Variants in CHST11 observed in about 807,000 individuals in gnomAD.
CHST11 encodes the protein carbohydrate sulfotransferase 11.
Under a neutral mutation model 30.4 loss-of-function variants are expected in CHST11, and 9 were observed. The ratio of observed to expected loss-of-function variants is 0.30; its 90% CI spans 0.18 to 0.52. CHST11 has a LOEUF of 0.52. CHST11 is among the 20% of genes least tolerant of loss of function. The pLI, the probability that CHST11 is intolerant of heterozygous loss-of-function variation, is 0.97. For missense variants in CHST11, 348 were observed against 460.6 expected (o/e 0.76, Z 2.24); for synonymous variants, 152 against 187.8 (o/e 0.81, Z 1.56).
At chr12:104,721,312 C>CCA (rs922230660) in intron 2 of CHST11, among the ~76,000 whole-genome samples, 2 of 152,076 alleles carry the variant, frequency 1.3e-5, no homozygotes, top group African/African-American at 2.4e-5. Context: ...ACACACACAG[C>CCA]CACACACACA....
chr12:104,514,570 G>T, intron 1 of CHST11: 1 of 425,628 alleles, frequency 2.3e-6, no homozygotes, highest in Non-Finnish European at 4.3e-6. Flanking sequence ...TTGGCTCACG[G>T]TTCTGCAGGC....
At chr12:104,613,079 G>T (rs1245922371) in intron 2 of CHST11, among the ~76,000 whole-genome samples, 1 of 151,978 alleles carries the variant, frequency 6.6e-6, no homozygotes, top group African/African-American at 2.4e-5. Context: ...AATAAAATTA[G>T]CCAGGCATGG....
At chr12:104,530,256 T>TACC (rs979617784) in intron 1 of CHST11, among the ~76,000 whole-genome samples, 8 of 152,176 alleles carry the variant, frequency 5.3e-5, no homozygotes, top group Non-Finnish European at 7.3e-5. Context: ...TAGTTATCAC[T>TACC]ACCACCACCA....
rs563686983 is a variant in CHST11, at chr12:104,719,688, C to T, written c.205-37261C>T. Among the ~76,000 whole-genome samples, 4 of 152,300 alleles carry T rather than the reference C, an allele frequency of 2.6e-5. No homozygotes were observed. The East Asian group carries it at 7.7e-4, about 29-fold the overall frequency. The stretch of plus-strand genomic sequence containing the variant: ...TAAACACCCCCTCTTAGCTGGGACC[C>T]CTCTTTATTTTCAGTGTTCTTCAGA... On this transcript the variant is annotated intron_variant, in intron 2 of 2. Transcript: ENST00000303694.
At chr12:104,528,781 G>C (rs928117461) in intron 1 of CHST11, among the ~76,000 whole-genome samples, 18 of 152,328 alleles carry the variant, frequency 1.2e-4, no homozygotes, top group Middle Eastern at 6.8e-3. Context: ...GGAAAGAAGA[G>C]GGATGACCTG....
chr12:104,520,269 C>T (rs1250883040), intron 1 of CHST11, among the ~76,000 whole-genome samples: 2 of 152,158 alleles, frequency 1.3e-5, no homozygotes, highest in African/African-American at 2.4e-5. Flanking sequence ...CTGCTCATCT[C>T]TCAGGATCTT....
intron 1 of CHST11, among the ~76,000 whole-genome samples, chr12:104,588,622 A>C (rs944787929): frequency 6.6e-6 from 1 of 152,184 alleles, no homozygotes; most frequent in Non-Finnish European, 1.5e-5. Context: ...AGACTTAGTT[A>C]AGTGAGAGCT....
At chr12:104,573,583 A>G (rs1408636648) in intron 1 of CHST11, among the ~76,000 whole-genome samples, 1 of 152,254 alleles carries the variant, frequency 6.6e-6, no homozygotes, top group African/African-American at 2.4e-5. Flanking sequence ...GATCTTTGAC[A>G]AACCTGACAA....
chr12:104,684,554 T>C (rs189053668), intron 2 of CHST11, among the ~76,000 whole-genome samples: 62 of 152,288 alleles, frequency 4.1e-4, no homozygotes, highest in African/African-American at 1.4e-3. Flanking sequence ...TTGGTTTGGT[T>C]TGGTTTTGTT....
intron 1 of CHST11, among the ~76,000 whole-genome samples, chr12:104,597,629 A>AC (rs35047772): frequency 0.047 from 7,166 of 152,318 alleles, 300 homozygotes; most frequent in African/African-American, 0.11. Context: ...CACAGCAACA[A>AC]ATGAATAGGT....
chr12:104,467,175 C>T (rs902959251), intron 1 of CHST11, among the ~76,000 whole-genome samples: 1 of 152,122 alleles, frequency 6.6e-6, no homozygotes, highest in Admixed American at 6.5e-5. Flanking sequence ...GTGGTCACTC[C>T]AGTTCATTTT....
At chr12:104,635,139 C>T (rs1210281624) in intron 2 of CHST11, among the ~76,000 whole-genome samples, 2 of 152,140 alleles carry the variant, frequency 1.3e-5, no homozygotes, top group Non-Finnish European at 2.9e-5. Context: ...TCACAAAAGC[C>T]TTTCACTAGG....
intron 2 of CHST11, among the ~76,000 whole-genome samples, chr12:104,741,751 G>A (rs1022766876): frequency 2.6e-5 from 4 of 152,298 alleles, no homozygotes; most frequent in Admixed American, 6.5e-5. Flanking sequence ...ACCCGCTCAT[G>A]TAAAAGCGAC....
intron 1 of CHST11, among the ~76,000 whole-genome samples, chr12:104,490,887 T>A (rs572996614): frequency 6.6e-6 from 1 of 152,320 alleles, no homozygotes; most frequent in East Asian, 1.9e-4. Flanking sequence ...ATATTGACCA[T>A]CCTTCAAAGA....
chr12:104,458,261 C>T lies in CHST11; in HGVS notation c.118+732C>T, dbSNP rs2037374728. Reference sequence around the variant, plus strand: ...GCCCTGAGCTGGAAACTCCGAGCTCCTGGGTCACGCCTTGACCACTGCAGT... The same window carrying T: ...GCCCTGAGCTGGAAACTCCGAGCTCTTGGGTCACGCCTTGACCACTGCAGT... On this transcript the variant is annotated intron_variant, in intron 1 of 2. Transcript: ENST00000303694. The surrounding 1 kb of genome is among the most constrained non-coding windows in gnomAD (Gnocchi z 5.7). Among the ~76,000 whole-genome samples, 1 of 152,218 alleles carries T rather than the reference C, an allele frequency of 6.6e-6. No individual in the cohort carries two copies. The highest frequency in any genetic ancestry group is 2.1e-4 in the South Asian group (1 of 4,838).
chr12:104,514,954 A>C (rs188102699), intron 1 of CHST11, among the ~76,000 whole-genome samples: 6 of 152,324 alleles, frequency 3.9e-5, no homozygotes, highest in South Asian at 2.1e-4. Flanking sequence ...CCAATCTGTT[A>C]GGGTCGTTCT....
chr12:104,492,217 C>G lies in CHST11; in HGVS notation c.118+34688C>G, dbSNP rs2037754477. On this transcript the variant is annotated intron_variant, in intron 1 of 2. Transcript: ENST00000303694. ...GTTCATGCCGTTCTCCTGCCTCAGC[C>G]TCCTGAGTAACTGGGACTATGGGCA... 2.6e-5 allele frequency among the ~76,000 whole-genome samples: 4 copies of G among 152,186 alleles called. No homozygotes were observed. The South Asian group carries it at 8.3e-4, about 32-fold the overall frequency.
intron 2 of CHST11, among the ~76,000 whole-genome samples, chr12:104,609,990 G>A (rs981876865): frequency 1.9e-4 from 29 of 151,676 alleles, no homozygotes; most frequent in African/African-American, 7.0e-4. Flanking sequence ...TTCTAGCAGA[G>A]TCTGTATTGA....
chr12:104,640,895 T>A (rs987371753), intron 2 of CHST11, among the ~76,000 whole-genome samples: 1 of 152,140 alleles, frequency 6.6e-6, no homozygotes, highest in African/African-American at 2.4e-5. Flanking sequence ...TAGCCCAAAG[T>A]GAGACCTTAC....
Sources: allele counts gnomAD v4.1 joint callset (sites outside exome capture counted in the v4.1 genomes callset), GRCh38; gene constraint gnomAD v4.1.1; non-coding constraint Gnocchi (gnomAD v3.1); transcripts MANE v1.5; gene names NCBI Gene and HGNC (gene_info 2026-07-23, HGNC 2026-07-21).